NLGN1: variants seen among roughly 807,000 people sequenced by gnomAD.
NLGN1 encodes the protein neuroligin-1.
In NLGN1, 12 loss-of-function variants were observed where a neutral mutation model predicts 65.5. That is an observed-to-expected ratio of 0.18 (90% CI 0.12 to 0.30). The LOEUF (loss-of-function observed/expected upper bound fraction) is 0.30. NLGN1 is among the 10% of genes least tolerant of loss of function. The pLI, the probability that NLGN1 is intolerant of heterozygous loss-of-function variation, is 1.00. For missense variants in NLGN1, 750 were observed against 1,007.1 expected (o/e 0.74, Z 3.46); for synonymous variants, 350 against 359.5 (o/e 0.97, Z 0.30).
chr3:173,439,083 A>G (rs1011647497), intron 2 of NLGN1, among the ~76,000 whole-genome samples: 2 of 152,196 alleles, frequency 1.3e-5, no homozygotes, highest in Admixed American at 6.5e-5. Context: ...GGATTAGCAT[A>G]TTTAAGAAAA....
intron 4 of NLGN1, among the ~76,000 whole-genome samples, chr3:173,820,615 A>G (rs546231474): frequency 6.6e-6 from 1 of 152,332 alleles, no homozygotes; most frequent in East Asian, 1.9e-4. Flanking sequence ...ACAGTACTTT[A>G]TTAACAAAAA....
intron 2 of NLGN1, among the ~76,000 whole-genome samples, chr3:173,541,901 G>T (rs1051883374): frequency 1.3e-5 from 2 of 151,908 alleles, no homozygotes; most frequent in African/African-American, 4.8e-5. Flanking sequence ...TGTGGATTTT[G>T]TTCATTCTTT....
intron 4 of NLGN1, among the ~76,000 whole-genome samples, chr3:174,023,641 C>A (rs1178927710): frequency 6.6e-6 from 1 of 152,122 alleles, no homozygotes. Context: ...TGGCTGCTAT[C>A]CAGGATGACT....
chr3:173,928,454 G>A (rs1449738597), intron 4 of NLGN1, among the ~76,000 whole-genome samples: 1 of 152,056 alleles, frequency 6.6e-6, no homozygotes, highest in Non-Finnish European at 1.5e-5. Flanking sequence ...GATTTATTGG[G>A]ATAACTAAGA....
At chr3:173,872,579 C>G (rs1053955691) in intron 4 of NLGN1, among the ~76,000 whole-genome samples, 6 of 152,118 alleles carry the variant, frequency 3.9e-5, no homozygotes, top group African/African-American at 1.4e-4. Flanking sequence ...GCAAATGCCC[C>G]TGAAGCATCT....
intron 3 of NLGN1, among the ~76,000 whole-genome samples, chr3:173,659,609 C>T (rs1760615448): frequency 6.6e-6 from 1 of 151,832 alleles, no homozygotes; most frequent in South Asian, 2.1e-4. Context: ...TGCCAGCTAA[C>T]ATATTGGGTT....
chr3:174,253,253 T>C (rs1473694632), intron 4 of NLGN1, among the ~76,000 whole-genome samples: 1 of 152,224 alleles, frequency 6.6e-6, no homozygotes, highest in Non-Finnish European at 1.5e-5. Context: ...ATATGCTCTT[T>C]TTATTCTGAA....
At chr3:173,844,594 G>A (rs1338475621) in intron 4 of NLGN1, among the ~76,000 whole-genome samples, 1 of 152,158 alleles carries the variant, frequency 6.6e-6, no homozygotes, top group African/African-American at 2.4e-5. Context: ...AAACTTCACA[G>A]CAGAGGCAGA....
intron 4 of NLGN1, among the ~76,000 whole-genome samples, chr3:174,092,575 A>G (rs959970439): frequency 3.9e-5 from 6 of 151,908 alleles, no homozygotes; most frequent in Admixed American, 3.9e-4. Context: ...TATTTTTGAG[A>G]TAAACCAAAG....
chr3:174,225,089 C>T (rs567648744), intron 4 of NLGN1, among the ~76,000 whole-genome samples: 152 of 152,230 alleles, frequency 1.0e-3, no homozygotes, highest in African/African-American at 3.6e-3. Context: ...CTCAGTAATC[C>T]CTTACTTTGG....
chr3:173,594,077 C>T (rs536902582), intron 2 of NLGN1, among the ~76,000 whole-genome samples: 1 of 152,084 alleles, frequency 6.6e-6, no homozygotes, highest in African/African-American at 2.4e-5. Context: ...TCATTCTGCC[C>T]CTGGCCCCTC....
At chr3:174,012,092 T>C (rs1725674391) in intron 4 of NLGN1, among the ~76,000 whole-genome samples, 2 of 152,172 alleles carry the variant, frequency 1.3e-5, no homozygotes, top group South Asian at 4.1e-4. Flanking sequence ...TCAAGTTCTC[T>C]CCTTTTCTCT....
intron 2 of NLGN1, among the ~76,000 whole-genome samples, chr3:173,479,816 A>G (rs1415279005): frequency 1.3e-5 from 2 of 152,172 alleles, no homozygotes; most frequent in Non-Finnish European, 2.9e-5. Flanking sequence ...AAATTGGTAT[A>G]ATTTGAGAGA....
intron 4 of NLGN1, among the ~76,000 whole-genome samples, chr3:174,009,007 A>G (rs1000729759): frequency 3.9e-5 from 6 of 152,134 alleles, no homozygotes; most frequent in African/African-American, 1.4e-4. Context: ...CGAATACCAT[A>G]CCCTGGGTGA....
At chr3:173,786,800 G>A (rs1782042008) in intron 3 of NLGN1, among the ~76,000 whole-genome samples, 1 of 152,140 alleles carries the variant, frequency 6.6e-6, no homozygotes, top group Non-Finnish European at 1.5e-5. Context: ...TATGGGGCAG[G>A]GCATGGTGGC....
chr3:173,651,586 A>G lies in NLGN1; in HGVS notation c.493+46495A>G, dbSNP rs1235149464. On this transcript the variant is annotated intron_variant, in intron 3 of 6. Coordinates refer to ENST00000457714, the Ensembl canonical transcript of NLGN1. ...TAATTTACATTCCCCGTAGCAGTGTATATGTATTTCTTTTTCTCTGCATCC... is the reference window on the plus strand; with the variant it reads ...TAATTTACATTCCCCGTAGCAGTGTGTATGTATTTCTTTTTCTCTGCATCC... Among the ~76,000 whole-genome samples the G allele has an allele frequency of 3.9e-5, 6 of 152,142 alleles. No individual in the cohort carries two copies. In the East Asian group the frequency reaches 1.2e-3, roughly 29 times the overall value.
At chr3:173,649,525 A>C (rs904118055) in intron 3 of NLGN1, among the ~76,000 whole-genome samples, 1 of 152,142 alleles carries the variant, frequency 6.6e-6, no homozygotes, top group East Asian at 1.9e-4. Context: ...TTGAGTCCAC[A>C]TTGTTATTTT....
chr3:174,203,232 G>T (rs542892415), intron 4 of NLGN1, among the ~76,000 whole-genome samples: 3 of 152,242 alleles, frequency 2.0e-5, no homozygotes, highest in Admixed American at 6.5e-5. Context: ...TTTCTGCCCT[G>T]TGCAGTCTCT....
At position 173,977,061 on chromosome 3, in the gene NLGN1, T is replaced by C. The variant is rs917192014; in HGVS notation, c.646+169229T>C. Among the ~76,000 whole-genome samples the C allele has an allele frequency of 4.4e-4, 67 of 151,518 alleles. 1 individual carries two copies. Among genetic ancestry groups the C allele is most frequent in the African/African-American group, 1.5e-3 (63 of 41,250 alleles). On this transcript the variant is annotated intron_variant, in intron 4 of 6. Transcript: ENST00000457714. ...TGAGCAAATAGTCAAAGTACTTCTT[T>C]TATAAAGACTACTGAAGTGGAGGAA...
Sources: allele counts gnomAD v4.1 joint callset (sites outside exome capture counted in the v4.1 genomes callset), GRCh38; gene constraint gnomAD v4.1.1; transcripts MANE v1.5; gene names NCBI Gene and HGNC (gene_info 2026-07-23, HGNC 2026-07-21).